The following MOCOS variants were observed in gnomAD, a reference collection of about 807,000 sequenced individuals.
The protein encoded by MOCOS is molybdenum cofactor sulfurase.
Under a neutral mutation model 83.6 loss-of-function variants are expected in MOCOS, and 86 were observed. That is an observed-to-expected ratio of 1.03 (90% confidence interval 0.86 to 1.23). The LOEUF is 1.23. Among genes scored for constraint, MOCOS ranks in the 50% most tolerant of loss-of-function variants. The pLI is 0.00. For missense variants in MOCOS, 1,120 were observed against 1,126.9 expected (o/e 0.99, Z 0.09); for synonymous variants, 445 against 434.7 (o/e 1.02, Z -0.29).
chr18:36,220,082 G>A lies in MOCOS; in HGVS notation c.1825G>A (p.Gly609Arg), dbSNP rs1189315150. The stretch of plus-strand genomic sequence containing the variant: ...GACCAGGTGGCCTGTAGGAAACCAA[G>A]GGCTGCTATATGACCGGAGCTGGAT... Reference protein sequence around the residue: ...EVTRWPVGNQGLLYDRSWMVV... With the variant: ...EVTRWPVGNQRLLYDRSWMVV... Residue 609 changes from glycine to arginine, a missense_variant, in exon 9 of 15, where the codon GGG becomes AGG. By Grantham distance (125) the Gly-to-Arg change is moderately radical (BLOSUM62 -2). Coordinates refer to ENST00000261326, the MANE Select transcript of MOCOS (RefSeq NM_017947.4). The A allele has an allele frequency of 5.6e-6, 9 of 1,613,388 alleles. No homozygotes were observed. In the Admixed American group the frequency reaches 1.0e-4, roughly 18 times the overall value.
At chr18:36,254,456 C>CTG (rs1317544285) in intron 11 of MOCOS, among the ~76,000 whole-genome samples, 39 of 90,124 alleles carry the variant, frequency 4.3e-4, no homozygotes, top group African/African-American at 1.9e-3. Context: ...AATACATTAT[C>CTG]TCTGTGTGTG....
chr18:36,249,541 G>A (rs2091614567), intron 10 of MOCOS, among the ~76,000 whole-genome samples: 1 of 152,154 alleles, frequency 6.6e-6, no homozygotes, highest in Non-Finnish European at 1.5e-5. Context: ...ACAGTCTGGA[G>A]GGCACTGCAA....
At chr18:36,192,758 C>T (rs1262860848) in intron 1 of MOCOS, among the ~76,000 whole-genome samples, 1 of 152,092 alleles carries the variant, frequency 6.6e-6, no homozygotes, top group African/African-American at 2.4e-5. Flanking sequence ...AGTGATTATC[C>T]TGCCTCAGCC....
intron 9 of MOCOS, among the ~76,000 whole-genome samples, chr18:36,245,461 C>T (rs903764761): frequency 6.6e-6 from 1 of 152,120 alleles, no homozygotes; most frequent in Non-Finnish European, 1.5e-5. Context: ...GACCCCAATC[C>T]CTTCTGACTT....
At chr18:36,245,923 C>T (rs1015799442) in intron 9 of MOCOS, among the ~76,000 whole-genome samples, 12 of 152,096 alleles carry the variant, frequency 7.9e-5, no homozygotes, top group African/African-American at 2.4e-4. Flanking sequence ...ATTGCTGAAA[C>T]TTTCCTGTGT....
intron 12 of MOCOS, among the ~76,000 whole-genome samples, chr18:36,257,425 G>A (rs1033088171): frequency 1.9e-4 from 29 of 151,776 alleles, no homozygotes; most frequent in African/African-American, 7.0e-4. Context: ...ACTATCCCCT[G>A]TCCCCGAGGA....
rs117151122 is a variant in MOCOS at position 36,201,378 on chromosome 18, A to G, written c.941+1054A>G. 3.8e-3 allele frequency among the ~76,000 whole-genome samples: 575 copies of G among 152,164 alleles called. 4 individuals carry two copies. The highest frequency in any genetic ancestry group is 0.023 in the South Asian group (113 of 4,818). On this transcript the variant is annotated intron_variant, in intron 4 of 14. Coordinates refer to ENST00000261326, the MANE Select transcript of MOCOS (RefSeq NM_017947.4). The stretch of plus-strand genomic sequence containing the variant: ...TTTTCTGTAAAGTAGAAATGATAAT[A>G]TTGGGTCGGGTGTGGTGGCTCACAC...
chr18:36,199,642 G>T (rs2091403209), intron 3 of MOCOS, 41 bp from the exon 4 acceptor site: 3 of 1,611,384 alleles, frequency 1.9e-6, no homozygotes, highest in East Asian at 2.2e-5. Context: ...CAGTGCTGGG[G>T]CTGAGATCCG....
intron 9 of MOCOS, among the ~76,000 whole-genome samples, chr18:36,245,199 G>A (rs1023677345): frequency 6.6e-6 from 1 of 151,686 alleles, no homozygotes; most frequent in Non-Finnish European, 1.5e-5. Flanking sequence ...TTTTTTTATT[G>A]TGTTATTGTT....
rs1003227226 is a variant in MOCOS at position 36,215,662 on chromosome 18, G to A, written c.1482G>A (p.Gly494=). ...FIIDTRLHSS[G]DWPVPQAHAD... Reference sequence around the variant, plus strand: ...TAGACACTCGCCTGCACTCATCAGGGGACTGGCCTGTCCCTCAGGCCCATG... The same window carrying A: ...TAGACACTCGCCTGCACTCATCAGGAGACTGGCCTGTCCCTCAGGCCCATG... Residue 494 remains glycine, a synonymous_variant, in exon 8 of 15, where the codon GGG becomes GGA. Transcript: ENST00000261326. 1 of 1,614,026 alleles carries A rather than the reference G, an allele frequency of 6.2e-7. No homozygotes were observed. Among genetic ancestry groups the A allele is most frequent in the African/African-American group, 1.3e-5 (1 of 74,914 alleles).
chr18:36,221,592 T>C (rs191090624), intron 9 of MOCOS, among the ~76,000 whole-genome samples: 3 of 144,922 alleles, frequency 2.1e-5, no homozygotes, highest in African/African-American at 7.4e-5. Flanking sequence ...ATTGTGTTTC[T>C]TGGCTGTAAG....
At chr18:36,202,714 G>A (rs901613300) in intron 4 of MOCOS, among the ~76,000 whole-genome samples, 6 of 152,202 alleles carry the variant, frequency 3.9e-5, no homozygotes, top group Non-Finnish European at 8.8e-5. Context: ...AACAAAGGAG[G>A]TTTAATTGGC....
At chr18:36,209,321 G>A (rs1287081803) in intron 6 of MOCOS, among the ~76,000 whole-genome samples, 1 of 152,056 alleles carries the variant, frequency 6.6e-6, no homozygotes, top group African/African-American at 2.4e-5. Context: ...TGGGACTACA[G>A]GAACATGCCA....
intron 13 of MOCOS, 41 bp from the exon 14 acceptor site, chr18:36,266,708 C>T (rs528999691): frequency 6.4e-7 from 1 of 1,554,244 alleles, no homozygotes; most frequent in East Asian, 2.2e-5. Context: ...AGGCTCTGGT[C>T]ACTTTTGTGG....
At chr18:36,199,239 G>A (rs1447885085) in intron 3 of MOCOS, among the ~76,000 whole-genome samples, 2 of 151,914 alleles carry the variant, frequency 1.3e-5, no homozygotes, top group African/African-American at 2.4e-5. Context: ...TAATTTCCAG[G>A]TTGTCCTTAA....
chr18:36,234,270 A>T (rs1479728300), intron 9 of MOCOS, among the ~76,000 whole-genome samples: 1 of 152,214 alleles, frequency 6.6e-6, no homozygotes, highest in Admixed American at 6.6e-5. Context: ...TTATCCCAGC[A>T]CCATTTGTTG....
chr18:36,246,582 G>A (rs1598590141), intron 9 of MOCOS, among the ~76,000 whole-genome samples: 1 of 152,210 alleles, frequency 6.6e-6, no homozygotes, highest in East Asian at 1.9e-4. Flanking sequence ...TTGTTTTAGT[G>A]TGCTGGTTTT....
At chr18:36,228,935 T>C (rs986100103) in intron 9 of MOCOS, among the ~76,000 whole-genome samples, 1 of 152,048 alleles carries the variant, frequency 6.6e-6, no homozygotes, top group African/African-American at 2.4e-5. Flanking sequence ...CCCTAGTAGC[T>C]GGAATTACAA....
intron 9 of MOCOS, among the ~76,000 whole-genome samples, chr18:36,235,946 T>C (rs559280392): frequency 5.3e-5 from 8 of 152,122 alleles, no homozygotes; most frequent in African/African-American, 1.7e-4. Context: ...GACGTGTCTG[T>C]TCATGTCCTT....
Sources: allele counts gnomAD v4.1 joint callset (sites outside exome capture counted in the v4.1 genomes callset), GRCh38; gene constraint gnomAD v4.1.1; transcripts MANE v1.5; gene names NCBI Gene and HGNC (gene_info 2026-07-23, HGNC 2026-07-21).